SRGAP2: variants seen among roughly 807,000 people sequenced by gnomAD.
SRGAP2 encodes the protein SLIT-ROBO Rho GTPase-activating protein 2.
A neutral mutation model predicts 57.2 loss-of-function variants in SRGAP2; 15 were observed. The ratio of observed to expected loss-of-function variants is 0.26; its 90% CI spans 0.18 to 0.40. The LOEUF (loss-of-function observed/expected upper bound fraction) is 0.40, where lower values mean the gene tolerates loss of function less well. Ranked by LOEUF, SRGAP2 falls within the 10% of genes least tolerant of loss-of-function variation. SRGAP2 has a pLI of 1.00. For synonymous variants in SRGAP2, 249 were observed against 248.0 expected (o/e 1.00, Z -0.04); for missense variants, 520 against 669.6 (o/e 0.78, Z 2.47).
In SRGAP2 at chr1:206,461,512, G is replaced by A; in HGVS notation, c.*92G>A. On this transcript the variant is annotated 3_prime_UTR_variant, in exon 23 of 23. Transcript: ENST00000573034. ...TTTAACTAGCTTGGGGACTTCAGTTGAAAATTAGGTTCTAAGTTGTTCTTG... is the reference window on the plus strand; with the variant it reads ...TTTAACTAGCTTGGGGACTTCAGTTAAAAATTAGGTTCTAAGTTGTTCTTG... The A allele has an allele frequency of 9.1e-6, 6 of 661,262 alleles. No homozygotes were observed. In the South Asian group the frequency reaches 1.1e-4, roughly 12 times the overall value. The allele number at this position is 661,262 out of a possible 1,614,324, so 41.0% of individuals were successfully genotyped here.
At chr1:206,455,220 C>T (rs1553377969) in intron 21 of SRGAP2, 196 bp downstream of exon 21, 18 of 620,196 alleles carry the variant, frequency 2.9e-5, no homozygotes, top group African/African-American at 1.6e-4. Flanking sequence ...GGGGCAGGTC[C>T]AGGTCTCCAG....
At chr1:206,422,233 T>C (rs1366052318) in intron 13 of SRGAP2, among the ~76,000 whole-genome samples, 1 of 152,242 alleles carries the variant, frequency 6.6e-6, no homozygotes, top group East Asian at 1.9e-4. Context: ...CTTCAGCTCA[T>C]CTGACTGCTC....
intron 2 of SRGAP2, among the ~76,000 whole-genome samples, chr1:206,266,489 C>T (rs1185180173): frequency 9.2e-5 from 14 of 152,234 alleles, no homozygotes; most frequent in Non-Finnish European, 1.5e-4. Context: ...GTGATCCTCC[C>T]GCCTCTGACT....
chr1:206,444,714 T>C (rs1553373173), intron 17 of SRGAP2, among the ~76,000 whole-genome samples: 1 of 152,200 alleles, frequency 6.6e-6, no homozygotes, highest in East Asian at 1.9e-4. Context: ...CTTCCCCTAG[T>C]CTTTTCTAAA....
At chr1:206,443,378 G>A (rs1396636587) in intron 17 of SRGAP2, among the ~76,000 whole-genome samples, 1 of 151,910 alleles carries the variant, frequency 6.6e-6, no homozygotes, top group Non-Finnish European at 1.5e-5. Context: ...GTTTGTTTTT[G>A]TTTGTTTGTT....
chr1:206,232,175 A>C (rs1336930197), intron 2 of SRGAP2, among the ~76,000 whole-genome samples: 2 of 152,128 alleles, frequency 1.3e-5, no homozygotes, highest in Non-Finnish European at 2.9e-5. Context: ...TATCTGTAGT[A>C]GCCAGACGGC....
intron 2 of SRGAP2, among the ~76,000 whole-genome samples, chr1:206,226,318 T>C (rs1667270617): frequency 6.6e-6 from 1 of 152,032 alleles, no homozygotes; most frequent in African/African-American, 2.4e-5. Context: ...GTACTTCTCA[T>C]CCAATGTGTT....
At chr1:206,431,620 A>G (rs1661281942) in intron 14 of SRGAP2, among the ~76,000 whole-genome samples, 1 of 152,246 alleles carries the variant, frequency 6.6e-6, no homozygotes. Flanking sequence ...TGCTTATTAT[A>G]TCCCAACAAA....
intron 2 of SRGAP2, among the ~76,000 whole-genome samples, chr1:206,268,461 T>C (rs1260245659): frequency 6.6e-6 from 1 of 151,974 alleles, no homozygotes; most frequent in Non-Finnish European, 1.5e-5. Context: ...TATTTTAAGA[T>C]AGATATAAGA....
chr1:206,260,757 G>A (rs1415363916), intron 2 of SRGAP2, among the ~76,000 whole-genome samples: 1 of 152,188 alleles, frequency 6.6e-6, no homozygotes, highest in African/African-American at 2.4e-5. Flanking sequence ...CACTTGAGTT[G>A]TTTCCAGTAT....
intron 5 of SRGAP2, among the ~76,000 whole-genome samples, chr1:206,385,997 G>A (rs1285517581): frequency 1.3e-5 from 2 of 152,182 alleles, no homozygotes; most frequent in Non-Finnish European, 2.9e-5. Flanking sequence ...AAAGAGTAGA[G>A]GCACTAGGAA....
At chr1:206,437,624 C>T in intron 15 of SRGAP2, 1 of 214,944 alleles carries the variant, frequency 4.7e-6, no homozygotes, top group Non-Finnish European at 9.2e-6. Context: ...CCTCATTTTT[C>T]TCCCCGCAGG....
chr1:206,403,992 C>G (rs1553356679), intron 8 of SRGAP2, among the ~76,000 whole-genome samples: 1 of 151,302 alleles, frequency 6.6e-6, no homozygotes, highest in South Asian at 2.1e-4. Context: ...TGAATTGATG[C>G]CAAGTGCTCT....
chr1:206,435,380 G>A (rs930447079), intron 14 of SRGAP2, among the ~76,000 whole-genome samples: 6 of 152,178 alleles, frequency 3.9e-5, no homozygotes, highest in Admixed American at 6.5e-5. Context: ...GGATTGTGCC[G>A]TAACAGAGGG....
chr1:206,398,737 G>A (rs1657860311), intron 7 of SRGAP2, among the ~76,000 whole-genome samples: 1 of 152,134 alleles, frequency 6.6e-6, no homozygotes. Flanking sequence ...GCAAGTCATA[G>A]AATGAAGAAG....
rs1553381632 is a variant in SRGAP2, at chr1:206,463,233, A to T, written c.*1813A>T. 6.6e-6 allele frequency: 1 copy of T among 152,558 alleles called. No individual in the cohort carries two copies. Among genetic ancestry groups the T allele is most frequent in the Admixed American group, 6.5e-5 (1 of 15,270 alleles). The allele number at this position is 152,558 out of a possible 1,614,324, so 9.5% of individuals were successfully genotyped here. ...AGAAGGCTAACCTGCAGCACCAGAGAAACCTTTCCAAGTGCTAGGCAGGAG... is the reference window on the plus strand; with the variant it reads ...AGAAGGCTAACCTGCAGCACCAGAGTAACCTTTCCAAGTGCTAGGCAGGAG... On this transcript the variant is annotated 3_prime_UTR_variant, in exon 23 of 23. Transcript: ENST00000573034.
intron 2 of SRGAP2, among the ~76,000 whole-genome samples, chr1:206,286,365 A>T (rs1439943788): frequency 1.9e-4 from 29 of 152,258 alleles, no homozygotes; most frequent in African/African-American, 6.5e-4. Context: ...TATTTTTTTT[A>T]AAAAGTAAAT....
intron 2 of SRGAP2, among the ~76,000 whole-genome samples, chr1:206,289,556 C>T (rs1267884106): frequency 1.3e-5 from 2 of 151,422 alleles, no homozygotes; most frequent in African/African-American, 2.4e-5. Flanking sequence ...GGATTATAGG[C>T]GTGAGCCACC....
chr1:206,210,510 GA>G (rs1553302245), intron 2 of SRGAP2, among the ~76,000 whole-genome samples: 1 of 130,132 alleles, frequency 7.7e-6, no homozygotes, highest in African/African-American at 3.0e-5. Flanking sequence ...CATTTTGATA[GA>G]AAAAGTGCAG....
Sources: gnomAD v4.1 joint callset for allele counts (sites outside exome capture counted in the v4.1 genomes callset) on GRCh38, gnomAD v4.1.1 for gene constraint, MANE v1.5 for transcripts, NCBI Gene and HGNC (gene_info 2026-07-23, HGNC 2026-07-21) for gene names.